The following PVR variants were observed in gnomAD, a reference collection of about 807,000 sequenced individuals.
The protein encoded by PVR is poliovirus receptor.
A neutral mutation model predicts 43.3 loss-of-function variants in PVR; 39 were observed. The ratio of observed to expected loss-of-function variants is 0.90; its 90% confidence interval spans 0.70 to 1.18. The LOEUF (loss-of-function observed/expected upper bound fraction) is 1.18, where lower values mean the gene tolerates loss of function less well. Among genes scored for constraint, PVR ranks in the 50% most tolerant of loss-of-function variants. PVR has a pLI of 0.00. For missense variants in PVR, 480 were observed against 549.7 expected, an observed-to-expected ratio of 0.87 and a Z score of 1.27; for synonymous variants, 224 against 233.2, an observed-to-expected ratio of 0.96 and a Z score of 0.36.
intron 2 of PVR, among the ~76,000 whole-genome samples, chr19:44,649,058 G>A (rs1973207082): frequency 2.0e-5 from 3 of 152,098 alleles, no homozygotes; most frequent in Non-Finnish European, 4.4e-5. Flanking sequence ...CTCAACTTCA[G>A]GGCTCAGGCT....
intron 4 of PVR, among the ~76,000 whole-genome samples, chr19:44,655,756 T>G (rs10422182): frequency 6.6e-6 from 1 of 152,032 alleles, no homozygotes; most frequent in African/African-American, 2.4e-5. Flanking sequence ...TGGATTCCCC[T>G]GCTAACATTT....
chr19:44,661,900 C>A lies in PVR; in HGVS notation c.*89C>A, dbSNP rs939466397. The A allele has an allele frequency of 5.6e-6, 7 of 1,254,622 alleles. No homozygotes were observed. The highest frequency in any genetic ancestry group is 8.1e-6 in the Non-Finnish European group (7 of 869,558). The allele number at this position is 1,254,622 out of a possible 1,614,324, so 77.7% of individuals were successfully genotyped here. A position where few individuals can be genotyped will look rare whatever the true frequency, so the allele number is the denominator to read the frequency against. On this transcript the variant is annotated 3_prime_UTR_variant, in exon 8 of 8. Transcript: ENST00000425690. ...ACCCGACCCCAATGGATGAAGACCC[C>A]CTCCAAAGAGACCAGCCTCCCTCCC...
At chr19:44,660,895 A>G (rs947200114) in intron 6 of PVR, among the ~76,000 whole-genome samples, 71 of 152,214 alleles carry the variant, frequency 4.7e-4, no homozygotes, top group Non-Finnish European at 8.8e-5. Flanking sequence ...GGCACAAAGT[A>G]GACATTCACC....
At chr19:44,650,166 A>G in intron 3 of PVR, 61 bp downstream of exon 3, 2 of 1,450,044 alleles carry the variant, frequency 1.4e-6, no homozygotes, top group South Asian at 1.4e-5. Flanking sequence ...ACCACTGTCT[A>G]CACTGACTCC....
intron 3 of PVR, among the ~76,000 whole-genome samples, chr19:44,652,741 C>T (rs1461130543): frequency 1.3e-5 from 2 of 151,834 alleles, no homozygotes; most frequent in African/African-American, 4.8e-5. Flanking sequence ...TCTCAAACTC[C>T]TGGGCTCAAG....
chr19:44,665,630 G>C lies in PVR; in HGVS notation c.*3819G>C, dbSNP rs1199639751. On this transcript the variant is annotated 3_prime_UTR_variant, in exon 8 of 8. Transcript: ENST00000425690. ...GCCTGGGTGACAAGAGTGAGACTCT[G>C]TCTCCAAAAAAAAAAAAAAAAAAAA... The C allele has an allele frequency of 9.5e-6, 1 of 105,318 alleles. No homozygotes were observed. The allele number at this position is 105,318 out of a possible 1,614,324, so 6.5% of individuals were successfully genotyped here. A position where few individuals can be genotyped will look rare whatever the true frequency, so the allele number is the denominator to read the frequency against.
intron 1 of PVR, among the ~76,000 whole-genome samples, chr19:44,645,124 TTATAA>T (rs1288336967): frequency 1.7e-5 from 1 of 59,764 alleles, no homozygotes; most frequent in Non-Finnish European, 2.6e-5. Flanking sequence ...ATATAATATA[TTATAA>T]TATATTATAT....
chr19:44,647,148 C>T (rs1373567228), intron 1 of PVR, 75 bp from the exon 2 acceptor site: 11 of 1,192,950 alleles, frequency 9.2e-6, no homozygotes, highest in Non-Finnish European at 1.3e-5. Context: ...GCCCAGGTGC[C>T]CGGGCTCCTG....
intron 5 of PVR, 122 bp from the exon 6 acceptor site, chr19:44,658,620 G>A: frequency 1.2e-6 from 1 of 861,584 alleles, no homozygotes; most frequent in Non-Finnish European, 1.8e-6. Context: ...CATTCCACCT[G>A]AATTAAATAG....
At position 44,658,810 on chromosome 19, in the gene PVR, G is replaced by T; in HGVS notation, c.1060G>T (p.Val354Phe). The T allele has an allele frequency of 6.2e-7, 1 of 1,613,976 alleles. No homozygotes were observed. The highest frequency in any genetic ancestry group is 1.7e-5 in the Admixed American group (1 of 60,024). Residue 354 changes from valine to phenylalanine, a missense_variant, in exon 6 of 8, where the codon GTT (valine) becomes TTT (phenylalanine). Physicochemically the swap from Val to Phe is conservative, Grantham distance 50 (BLOSUM62 -1). Transcript: ENST00000425690. ...AIIFLVLGIL[V>F]FLILLGIGIY... The stretch of plus-strand genomic sequence containing the variant: ...CATCTTCCTGGTTCTGGGAATCCTG[G>T]TTTTTCTGATCCTGCTGGGGATCGG...
At chr19:44,650,845 A>G (rs1287159580) in intron 3 of PVR, among the ~76,000 whole-genome samples, 2 of 151,940 alleles carry the variant, frequency 1.3e-5, no homozygotes, top group Non-Finnish European at 2.9e-5. Context: ...AATTATAGGC[A>G]TGAGCCACTG....
chr19:44,658,955 G>A (rs1278957734), intron 6 of PVR, 55 bp downstream of exon 6: 2 of 1,541,380 alleles, frequency 1.3e-6, no homozygotes, highest in Non-Finnish European at 1.8e-6. Context: ...TCTGTGCTGA[G>A]TCCTTCCAGT....
Position 44,644,021 on chromosome 19 carries a change from C to A in PVR, c.-76C>A. 1 of 1,292,386 alleles carries A rather than the reference C, an allele frequency of 7.7e-7. No homozygotes were observed. The highest frequency in any genetic ancestry group is 1.0e-6 in the Non-Finnish European group (1 of 963,498). The allele number at this position is 1,292,386 out of a possible 1,614,324, so 80.1% of individuals were successfully genotyped here. ...TGAGCTCCGGGAGCTGGACTCGCAG[C>A]GACCGCGGCAGAGCGAGCGGGCGCC... On this transcript the variant is annotated 5_prime_UTR_variant, in exon 1 of 8. Coordinates refer to ENST00000425690, the MANE Select transcript of PVR (RefSeq NM_006505.5).
rs886852533 is a variant in PVR, at chr19:44,662,580, T to G, written c.*769T>G. The G allele has an allele frequency of 2.0e-5, 3 of 152,242 alleles. No individual in the cohort carries two copies. Among genetic ancestry groups the G allele is most frequent in the African/African-American group, 7.2e-5 (3 of 41,398 alleles). 9.4% of individuals were successfully genotyped at this position (152,242 alleles called of 1,614,324 possible). ...CCTCATACATCAAGCCAATACCGTGTGGCCCAAGACCCCCACCATAAATCA... is the reference window on the plus strand; with the variant it reads ...CCTCATACATCAAGCCAATACCGTGGGGCCCAAGACCCCCACCATAAATCA... On this transcript the variant is annotated 3_prime_UTR_variant, in exon 8 of 8. Transcript: ENST00000425690.
chr19:44,666,094 T>C lies in PVR; in HGVS notation c.*4283T>C, dbSNP rs1286712156. Reference sequence around the variant, plus strand: ...TCTGTCTGGGTGGTTGGAACATGTTTGAATTTTATTCTAAGTACTGTCTAC... The same window carrying C: ...TCTGTCTGGGTGGTTGGAACATGTTCGAATTTTATTCTAAGTACTGTCTAC... On this transcript the variant is annotated 3_prime_UTR_variant, in exon 8 of 8. Transcript: ENST00000425690. 1 of 152,214 alleles carries C rather than the reference T, an allele frequency of 6.6e-6. No individual in the cohort carries two copies. Among genetic ancestry groups the C allele is most frequent in the African/African-American group, 2.4e-5 (1 of 41,454 alleles). 9.4% of individuals were successfully genotyped at this position (152,214 alleles called of 1,614,324 possible).
chr19:44,661,171 AC>A, intron 6 of PVR, 120 bp from the exon 7 acceptor site: 1 of 875,372 alleles, frequency 1.1e-6, no homozygotes, highest in East Asian at 2.5e-5. Context: ...GGGAAATGGC[AC>A]CCCCATGTAA....
At position 44,647,581 on chromosome 19, in the gene PVR, GGTTT is replaced by G; in HGVS notation, c.427+12_427+15del. The G allele has an allele frequency of 6.3e-7, 1 of 1,596,514 alleles. No homozygotes were observed. Among genetic ancestry groups the G allele is most frequent in the Non-Finnish European group, 8.5e-7 (1 of 1,169,850 alleles). ...GGCTCCGAGTGCTTGGTGAGCAGGG[GGTTT>G]TGGGGAGGCTGAATGAAAGGCAGAG... is the stretch of plus-strand genomic sequence containing the variant. On this transcript the variant is annotated intron_variant, in intron 2 of 7. Coordinates refer to ENST00000425690, the MANE Select transcript of PVR (RefSeq NM_006505.5).
chr19:44,663,886 C>T lies in PVR; in HGVS notation c.*2075C>T, dbSNP rs1024745331. ...CCTCCCACCTCAGCCTACCAAGTAGCTGTGACCACAGCTGCCCCTCACCAT... is the reference window on the plus strand; with the variant it reads ...CCTCCCACCTCAGCCTACCAAGTAGTTGTGACCACAGCTGCCCCTCACCAT... On this transcript the variant is annotated 3_prime_UTR_variant, in exon 8 of 8. Transcript: ENST00000425690. Among the ~76,000 whole-genome samples, 7 of 152,228 alleles carry T rather than the reference C, an allele frequency of 4.6e-5. No homozygotes were observed. In the East Asian group the frequency reaches 9.7e-4, roughly 21 times the overall value.
At chr19:44,654,591 G>A (rs1340865210) in intron 4 of PVR, among the ~76,000 whole-genome samples, 1 of 152,164 alleles carries the variant, frequency 6.6e-6, no homozygotes, top group African/African-American at 2.4e-5. Context: ...CTGTTGCCCT[G>A]CCCAGGTTAA....
Sources: allele counts gnomAD v4.1 joint callset (sites outside exome capture counted in the v4.1 genomes callset), GRCh38; gene constraint gnomAD v4.1.1; transcripts MANE v1.5; gene names NCBI Gene and HGNC (gene_info 2026-07-23, HGNC 2026-07-21).